The following ATP2B2 variants were observed in gnomAD, a reference collection of about 807,000 sequenced individuals.
ATP2B2 encodes the protein plasma membrane calcium-transporting ATPase 2.
A neutral mutation model predicts 120.0 loss-of-function variants in ATP2B2; 15 were observed. That is an observed-to-expected ratio of 0.12 (90% CI 0.08 to 0.19). ATP2B2 has a LOEUF of 0.19. Among genes scored for constraint, ATP2B2 ranks in the 10% least tolerant of loss-of-function variants. The pLI, the probability that ATP2B2 is intolerant of heterozygous loss-of-function variation, is 1.00. For synonymous variants in ATP2B2, 694 were observed against 700.3 expected, an observed-to-expected ratio of 0.99 and a Z score of 0.14; for missense variants, 1,045 against 1,719.8, an observed-to-expected ratio of 0.61 and a Z score of 6.94.
chr3:10,573,864 C>T (rs1384493707), intron 2 of ATP2B2, among the ~76,000 whole-genome samples: 3 of 152,148 alleles, frequency 2.0e-5, no homozygotes, highest in Non-Finnish European at 4.4e-5. Context: ...CCTCTGGGAG[C>T]TGTCAGCCCA....
At chr3:10,409,158 T>A (rs958698532) in intron 3 of ATP2B2, among the ~76,000 whole-genome samples, 3 of 152,264 alleles carry the variant, frequency 2.0e-5, no homozygotes, top group African/African-American at 7.2e-5. Context: ...TCAAGGCTTA[T>A]TCAAGTCGTC....
chr3:10,425,015 G>A (rs532060936), intron 2 of ATP2B2, among the ~76,000 whole-genome samples: 84 of 152,204 alleles, frequency 5.5e-4, no homozygotes, highest in Non-Finnish European at 1.1e-3. Context: ...TTTTGGCTGG[G>A]CACGGTGGCT....
intron 2 of ATP2B2, among the ~76,000 whole-genome samples, chr3:10,607,536 C>A (rs6786843): frequency 0.012 from 1,888 of 152,322 alleles, 32 homozygotes; most frequent in African/African-American, 0.039. Context: ...GCACCCTGGC[C>A]AGGACACAGA....
At chr3:10,621,558 A>G (rs1013939972) in intron 1 of ATP2B2, among the ~76,000 whole-genome samples, 15 of 152,250 alleles carry the variant, frequency 9.9e-5, no homozygotes, top group African/African-American at 3.6e-4. Flanking sequence ...TGGCAGTGCC[A>G]GTGTTTTGTT....
At chr3:10,336,252 G>C in intron 22 of ATP2B2, 1 of 1,550,582 alleles carries the variant, frequency 6.4e-7, no homozygotes, top group Non-Finnish European at 8.7e-7. Context: ...TGTCTCCGCA[G>C]GGCCCCCTGA....
intron 8 of ATP2B2, among the ~76,000 whole-genome samples, chr3:10,381,325 T>A (rs1436747723): frequency 6.6e-6 from 1 of 152,226 alleles, no homozygotes; most frequent in Non-Finnish European, 1.5e-5. Context: ...AACAATTATT[T>A]TTATTTTCTA....
intron 3 of ATP2B2, among the ~76,000 whole-genome samples, chr3:10,408,766 C>T (rs779117233): frequency 1.8e-4 from 27 of 152,238 alleles, no homozygotes; most frequent in Non-Finnish European, 3.5e-4. Context: ...ATGAGGCGCT[C>T]GGTCCATGTT....
At chr3:10,483,802 G>T (rs377092524) in intron 1 of ATP2B2, among the ~76,000 whole-genome samples, 2 of 152,214 alleles carry the variant, frequency 1.3e-5, no homozygotes, top group African/African-American at 4.8e-5. Flanking sequence ...AAGAAACTGT[G>T]GGACTGGCCC....
At position 10,498,448 on chromosome 3, in the gene ATP2B2, G is replaced by A. The variant is rs371697014; in HGVS notation, c.-320+7017C>T. ...GATGAGCCTGGGGGCCTCACTCAGC[G>A]TGGATGCCTCAGGCATGCAGGAGGC... On this transcript the variant is annotated intron_variant, in intron 1 of 22. Coordinates refer to ENST00000360273, the MANE Select transcript of ATP2B2 (RefSeq NM_001001331.4). Among the ~76,000 whole-genome samples, 37 of 152,374 alleles carry A rather than the reference G, an allele frequency of 2.4e-4. 1 individual carries two copies. Among genetic ancestry groups the A allele is most frequent in the African/African-American group, 4.6e-4 (19 of 41,598 alleles).
chr3:10,502,322 C>T (rs935745626), intron 1 of ATP2B2, among the ~76,000 whole-genome samples: 1 of 152,170 alleles, frequency 6.6e-6, no homozygotes, highest in Admixed American at 6.5e-5. Context: ...CAGAGATAGG[C>T]CTGCCTGGCC....
At chr3:10,634,746 C>T (rs1410847576) in intron 1 of ATP2B2, among the ~76,000 whole-genome samples, 2 of 152,226 alleles carry the variant, frequency 1.3e-5, no homozygotes, top group African/African-American at 2.4e-5. Flanking sequence ...TGAACCTTGA[C>T]CCCATGACAA....
intron 1 of ATP2B2, among the ~76,000 whole-genome samples, chr3:10,654,228 T>C (rs1300432641): frequency 6.6e-6 from 1 of 152,140 alleles, no homozygotes; most frequent in Non-Finnish European, 1.5e-5. Flanking sequence ...GCAGCCTGAC[T>C]CCAGAGTCCT....
intron 1 of ATP2B2, among the ~76,000 whole-genome samples, chr3:10,458,054 TCCATCCATCCAA>T (rs2064337925): frequency 6.6e-6 from 1 of 152,120 alleles, no homozygotes; most frequent in African/African-American, 2.4e-5. Flanking sequence ...TTTCTGCTCA[TCCATCCATCCAA>T]CCATCCATCC....
chr3:10,436,708 T>C (rs2125122386), intron 2 of ATP2B2, among the ~76,000 whole-genome samples: 1 of 152,322 alleles, frequency 6.6e-6, no homozygotes, highest in East Asian at 1.9e-4. Context: ...AGCTGCCCTC[T>C]TGCCTCCACT....
intron 1 of ATP2B2, among the ~76,000 whole-genome samples, chr3:10,500,229 C>T (rs1342441729): frequency 2.6e-5 from 4 of 152,064 alleles, no homozygotes; most frequent in Admixed American, 2.0e-4. Context: ...TGAGCCACTG[C>T]GCCTGGCCTG....
chr3:10,426,022 C>T (rs75300319), intron 2 of ATP2B2, among the ~76,000 whole-genome samples: 220 of 152,244 alleles, frequency 1.4e-3, no homozygotes, highest in Non-Finnish European at 2.7e-3. Flanking sequence ...TTCCCCCTTC[C>T]CATCATTGTG....
chr3:10,557,318 G>A (rs979143494), intron 2 of ATP2B2, among the ~76,000 whole-genome samples: 2 of 152,254 alleles, frequency 1.3e-5, no homozygotes, highest in African/African-American at 4.8e-5. Context: ...CTTATAAAAA[G>A]TTCATCAGAA....
chr3:10,498,783 T>A (rs565372079), intron 1 of ATP2B2, among the ~76,000 whole-genome samples: 1 of 152,310 alleles, frequency 6.6e-6, no homozygotes, highest in African/African-American at 2.4e-5. Context: ...GCTTCTCCCA[T>A]AGGCTCCACC....
chr3:10,581,194 A>G (rs2068380805), intron 2 of ATP2B2, among the ~76,000 whole-genome samples: 1 of 152,246 alleles, frequency 6.6e-6, no homozygotes, highest in Non-Finnish European at 1.5e-5. Context: ...ACATTCTGCA[A>G]CAGATTCTAT....
Sources: gnomAD v4.1 joint callset for allele counts (sites outside exome capture counted in the v4.1 genomes callset) on GRCh38, gnomAD v4.1.1 for gene constraint, MANE v1.5 for transcripts, NCBI Gene and HGNC (gene_info 2026-07-23, HGNC 2026-07-21) for gene names.